C12orf42: variants seen among roughly 807,000 people sequenced by gnomAD.
C12orf42 encodes chromosome 12 open reading frame 42, also known as uncharacterized protein C12orf42.
C12orf42 carries 25 observed loss-of-function variants against 21.6 expected under a neutral mutation model. The ratio of observed to expected loss-of-function variants is 1.16; its 90% CI spans 0.84 to 1.62. The LOEUF (loss-of-function observed/expected upper bound fraction) is 1.62. Ranked by LOEUF, C12orf42 falls within the 40% of genes most tolerant of loss-of-function variation. C12orf42 has a pLI of 0.00. For missense variants in C12orf42, 483 were observed against 459.3 expected, an observed-to-expected ratio of 1.05 and a Z score of -0.47; for synonymous variants, 174 against 175.0, an observed-to-expected ratio of 0.99 and a Z score of 0.05.
chr12:103,155,828 T>TGTGTATATATACATATATACATATATGA, the C12orf42 span, among the ~76,000 whole-genome samples: 5 of 150,828 alleles, frequency 3.3e-5, no homozygotes, highest in African/African-American at 4.9e-5. Flanking sequence ...TATAGATATG[T>TGTGTATATATACATATATACATATATGA]GTGTATATAT....
the C12orf42 span, among the ~76,000 whole-genome samples, chr12:103,185,928 C>T: frequency 6.6e-6 from 1 of 152,150 alleles, no homozygotes; most frequent in Admixed American, 6.5e-5. Context: ...ACTAATACAA[C>T]ATGTCCCTTG....
At chr12:103,331,190 A>T (rs2041211859) in intron 4 of C12orf42, among the ~76,000 whole-genome samples, 1 of 152,212 alleles carries the variant, frequency 6.6e-6, no homozygotes, top group Non-Finnish European at 1.5e-5. Flanking sequence ...TGCTCAGAAC[A>T]CTTCCATTAG....
chr12:103,068,879 A>C, the C12orf42 span, among the ~76,000 whole-genome samples: 3,496 of 135,360 alleles, frequency 0.026, 181 homozygotes, highest in African/African-American at 0.08. Flanking sequence ...CTCTCTCTAT[A>C]TATATATATA....
At chr12:103,468,257 A>C (rs1431055945) in intron 2 of C12orf42, among the ~76,000 whole-genome samples, 1 of 152,232 alleles carries the variant, frequency 6.6e-6, no homozygotes, top group Non-Finnish European at 1.5e-5. Flanking sequence ...TAATGATCAG[A>C]CAGTTATAAA....
intron 10 of C12orf42, among the ~76,000 whole-genome samples, chr12:103,241,574 G>GAAA: frequency 6.6e-6 from 1 of 152,176 alleles, no homozygotes; most frequent in Non-Finnish European, 1.5e-5. Flanking sequence ...TAAGTGCAAT[G>GAAA]TGACCATTGG....
intron 2 of C12orf42, among the ~76,000 whole-genome samples, chr12:103,452,093 G>C (rs770883944): frequency 6.6e-6 from 1 of 151,856 alleles, no homozygotes; most frequent in Non-Finnish European, 1.5e-5. Context: ...TCACTGATAG[G>C]TCTGTGCTTA....
the C12orf42 span, among the ~76,000 whole-genome samples, chr12:103,138,890 G>T: frequency 1.1e-3 from 162 of 152,068 alleles, no homozygotes; most frequent in Non-Finnish European, 1.3e-3. Flanking sequence ...TCTCTACAGT[G>T]TTAACCCTCT....
intron 3 of C12orf42, among the ~76,000 whole-genome samples, chr12:103,378,362 A>C (rs549749174): frequency 6.6e-6 from 1 of 152,204 alleles, no homozygotes; most frequent in Non-Finnish European, 1.5e-5. Flanking sequence ...GTATCCATCC[A>C]GCTTCTTCAA....
chr12:103,395,741 T>A (rs1404371259), intron 3 of C12orf42, among the ~76,000 whole-genome samples: 1 of 152,036 alleles, frequency 6.6e-6, no homozygotes, highest in Non-Finnish European at 1.5e-5. Context: ...ATAATTGATC[T>A]CTTTTATGTT....
At chr12:103,440,404 A>C in intron 2 of C12orf42, among the ~76,000 whole-genome samples, 1 of 145,770 alleles carries the variant, frequency 6.9e-6, no homozygotes, top group South Asian at 2.2e-4. Context: ...AACTTAAAGT[A>C]TAATAAAAAA....
chr12:103,370,838 T>C (rs2045149727), intron 3 of C12orf42, among the ~76,000 whole-genome samples: 1 of 152,064 alleles, frequency 6.6e-6, no homozygotes, highest in South Asian at 2.1e-4. Context: ...TGGTACACAG[T>C]TCACCATATA....
chr12:103,224,039 G>A, the C12orf42 span, among the ~76,000 whole-genome samples: 1 of 152,126 alleles, frequency 6.6e-6, no homozygotes, highest in Non-Finnish European at 1.5e-5. Context: ...GAGGTGGGAA[G>A]GCTAAACTGA....
the C12orf42 span, among the ~76,000 whole-genome samples, chr12:103,130,072 G>A: frequency 1.3e-5 from 2 of 152,074 alleles, no homozygotes; most frequent in African/African-American, 2.4e-5. Context: ...CCAGAAATAT[G>A]TTGGCACCTG....
intron 4 of C12orf42, among the ~76,000 whole-genome samples, chr12:103,292,853 T>C (rs1428942478): frequency 6.6e-6 from 1 of 152,098 alleles, no homozygotes; most frequent in African/African-American, 2.4e-5. Context: ...GAAATGCAGC[T>C]TTTTCTCTTC....
the C12orf42 span, among the ~76,000 whole-genome samples, chr12:103,549,134 T>G: frequency 6.6e-6 from 1 of 152,242 alleles, no homozygotes; most frequent in South Asian, 2.1e-4. Context: ...TGTGTTTTCA[T>G]TTTTTATTCT....
intron 4 of C12orf42, among the ~76,000 whole-genome samples, chr12:103,352,014 C>T (rs1447798415): frequency 2.0e-5 from 3 of 151,942 alleles, no homozygotes; most frequent in Non-Finnish European, 4.4e-5. Flanking sequence ...TTCCTCTCCA[C>T]AATCCTCCCC....
the C12orf42 span, among the ~76,000 whole-genome samples, chr12:103,191,543 C>CAAAAA: frequency 8.1e-4 from 47 of 58,116 alleles, no homozygotes; most frequent in Middle Eastern, 0.026. Flanking sequence ...CTCCACTCTA[C>CAAAAA]AAAAAAAAAA....
At chr12:103,238,502 G>A (rs2136158734) in intron 10 of C12orf42, among the ~76,000 whole-genome samples, 1 of 152,288 alleles carries the variant, frequency 6.6e-6, no homozygotes, top group Non-Finnish European at 1.5e-5. Context: ...TAGAGTTTGG[G>A]CACCACTGGA....
rs376083490 is a variant in C12orf42 at position 103,412,996 on chromosome 12, C to T, written c.79-11321G>A. 6.6e-5 allele frequency among the ~76,000 whole-genome samples: 10 copies of T among 152,204 alleles called. No homozygotes were observed. The South Asian group carries it at 1.2e-3, about 19-fold the overall frequency. ...CACTTGTCTATGTTTTGTTTTGTTGCAATTGCTTTTGGAAACTTAGCCAAA... is the reference window on the plus strand; with the variant it reads ...CACTTGTCTATGTTTTGTTTTGTTGTAATTGCTTTTGGAAACTTAGCCAAA... On this transcript the variant is annotated intron_variant, in intron 2 of 5. Transcript: ENST00000548883.
Sources: gnomAD v4.1 joint callset for allele counts (sites outside exome capture counted in the v4.1 genomes callset) on GRCh38, gnomAD v4.1.1 for gene constraint, MANE v1.5 for transcripts, NCBI Gene and HGNC (gene_info 2026-07-23, HGNC 2026-07-21) for gene names.